GAB4: variants seen among roughly 807,000 people sequenced by gnomAD.
The protein encoded by GAB4 is GRB2 associated binding protein family member 4, also known as GRB2-associated-binding protein 4.
A neutral mutation model predicts 51.3 loss-of-function variants in GAB4; 26 were observed. The ratio of observed to expected loss-of-function variants is 0.51; its 90% CI spans 0.37 to 0.70. The LOEUF (loss-of-function observed/expected upper bound fraction) is 0.70, where lower values mean the gene tolerates loss of function less well. GAB4 is among the 30% of genes least tolerant of loss of function. GAB4 has a pLI of 0.00. For synonymous variants in GAB4, 329 were observed against 291.2 expected, an observed-to-expected ratio of 1.13 and a Z score of -1.32; for missense variants, 759 against 734.6, an observed-to-expected ratio of 1.03 and a Z score of -0.38.
At chr22:16,971,450 C>T (rs976366450) in intron 3 of GAB4, among the ~76,000 whole-genome samples, 2 of 152,180 alleles carry the variant, frequency 1.3e-5, no homozygotes, top group African/African-American at 4.8e-5. Flanking sequence ...TCTGTGTGGG[C>T]GCTCTAGGAA....
rs2061058234 is a variant in GAB4 at position 17,008,063 on chromosome 22, C to G, written c.52G>C (p.Ala18Pro). ...PSRELCPPDPAFAPLSSWPGS... is the reference protein window; with the variant it reads ...PSRELCPPDPPFAPLSSWPGS... ...GGCCACGAAGACAAAGGCGCAAATG[C>G]CGGGTCAGGTGGGCACAGCTCCCGG... is the stretch of plus-strand genomic sequence containing the variant. The change falls in exon 1 of 10, where the codon GCA becomes CCA. Residue 18 changes from alanine (A) to proline (P), a missense_variant. Transcript: ENST00000400588. The G allele has an allele frequency of 1.2e-6, 2 of 1,607,656 alleles. No homozygotes were observed. Among genetic ancestry groups the G allele is most frequent in the Non-Finnish European group, 1.7e-6 (2 of 1,177,282 alleles).
intron 3 of GAB4, among the ~76,000 whole-genome samples, chr22:16,978,435 A>C (rs1396308117): frequency 6.6e-6 from 1 of 152,230 alleles, no homozygotes; most frequent in Non-Finnish European, 1.5e-5. Context: ...AATCTAGAAG[A>C]AATGGGCAAA....
In GAB4 at chr22:17,008,082, C is replaced by G; in HGVS notation, c.33G>C (p.Glu11Asp). 1 of 1,607,674 alleles carries G rather than the reference C, an allele frequency of 6.2e-7. No homozygotes were observed. Among genetic ancestry groups the G allele is most frequent in the Non-Finnish European group, 8.5e-7 (1 of 1,177,160 alleles). Reference sequence around the variant, plus strand: ...CAAATGCCGGGTCAGGTGGGCACAGCTCCCGGGAGGGTGAGGGGGACGGCA... The same window carrying G: ...CAAATGCCGGGTCAGGTGGGCACAGGTCCCGGGAGGGTGAGGGGGACGGCA... MSLPSPSPSR[E>D]LCPPDPAFAP... The change falls in exon 1 of 10, where the codon GAG becomes GAC. Residue 11 changes from glutamate to aspartate, a missense_variant. By Grantham distance (45) the Glu-to-Asp change is conservative. Around this residue, in one of 3 missense-constraint regions of GAB4, gnomAD observed 83 missense variants for 73.1 expected, o/e 1.14. Transcript: ENST00000400588.
chr22:16,971,185 C>A (rs1489705666), intron 3 of GAB4, among the ~76,000 whole-genome samples: 1 of 152,164 alleles, frequency 6.6e-6, no homozygotes, highest in East Asian at 1.9e-4. Context: ...CAGAGCCAGA[C>A]CCTACCTCGG....
intron 3 of GAB4, among the ~76,000 whole-genome samples, chr22:16,986,497 C>A (rs1317087218): frequency 2.0e-5 from 3 of 152,214 alleles, no homozygotes; most frequent in African/African-American, 7.2e-5. Context: ...TGCCACCTTA[C>A]ACCCATCAGC....
At chr22:16,997,041 T>C (rs113204317) in intron 1 of GAB4, among the ~76,000 whole-genome samples, 3,365 of 152,126 alleles carry the variant, frequency 0.022, 59 homozygotes, top group Middle Eastern at 0.068. Context: ...TGTGCCACAT[T>C]TTCTTCATCC....
intron 3 of GAB4, among the ~76,000 whole-genome samples, chr22:16,985,792 A>T (rs1025502234): frequency 6.6e-6 from 1 of 152,242 alleles, no homozygotes; most frequent in Non-Finnish European, 1.5e-5. Flanking sequence ...CAAATGTGCC[A>T]TCTCACTACA....
chr22:16,968,215 T>C (rs1280571604), intron 5 of GAB4, 83 bp downstream of exon 5: 56 of 957,614 alleles, frequency 5.8e-5, no homozygotes, highest in East Asian at 3.9e-4. Context: ...TGTCACCCTT[T>C]GGGGGATGTG....
chr22:16,976,112 TCTC>T (rs1184737794), intron 3 of GAB4, among the ~76,000 whole-genome samples: 2 of 152,132 alleles, frequency 1.3e-5, no homozygotes, highest in Non-Finnish European at 2.9e-5. Flanking sequence ...GAACACCTCT[TCTC>T]CTCCAGAGGA....
At chr22:16,979,903 A>G (rs2060812771) in intron 3 of GAB4, among the ~76,000 whole-genome samples, 1 of 152,236 alleles carries the variant, frequency 6.6e-6, no homozygotes, top group African/African-American at 2.4e-5. Flanking sequence ...AAAACAAGCA[A>G]TGGGGAAAGG....
At chr22:17,000,564 C>CA (rs2060989509) in intron 1 of GAB4, among the ~76,000 whole-genome samples, 2 of 152,280 alleles carry the variant, frequency 1.3e-5, no homozygotes, top group Non-Finnish European at 2.9e-5. Flanking sequence ...CTGAAAACAG[C>CA]ACACTGATGG....
chr22:16,966,268 G>T lies in GAB4; in HGVS notation c.1120C>A (p.Gln374Lys), dbSNP rs763523269. The T allele has an allele frequency of 6.2e-7, 1 of 1,613,934 alleles. No individual in the cohort carries two copies. ...PGSPTLPAVK[Q>K]AGDDSQGVCI... is the part of the protein sequence containing the mutation. ...ACACCCTGGGAATCATCGCCTGCTT[G>T]CTTCACAGCCGGCAGGGTAGGGGAG... Residue 374 changes from glutamine to lysine, a missense_variant, in exon 6 of 10, where the codon CAA becomes AAA. Coordinates refer to ENST00000400588, the MANE Select transcript of GAB4 (RefSeq NM_001037814.1).
chr22:16,982,766 T>C (rs1160857706), intron 3 of GAB4, among the ~76,000 whole-genome samples: 2 of 151,894 alleles, frequency 1.3e-5, no homozygotes, highest in Non-Finnish European at 2.9e-5. Context: ...AAAAGCTGAG[T>C]GTTGGGAAAA....
intron 5 of GAB4, among the ~76,000 whole-genome samples, chr22:16,967,741 C>A (rs1336251226): frequency 6.6e-6 from 1 of 152,216 alleles, no homozygotes; most frequent in Non-Finnish European, 1.5e-5. Flanking sequence ...TTGTAAGAAG[C>A]CTGACGCCAG....
chr22:17,007,269 G>A (rs1397106768), intron 1 of GAB4, among the ~76,000 whole-genome samples: 1 of 152,222 alleles, frequency 6.6e-6, no homozygotes, highest in Non-Finnish European at 1.5e-5. Context: ...TTAGCCACTA[G>A]GGGAAAGGGC....
intron 3 of GAB4, among the ~76,000 whole-genome samples, chr22:16,986,708 G>T (rs2060871098): frequency 6.6e-6 from 1 of 152,202 alleles, no homozygotes; most frequent in South Asian, 2.1e-4. Flanking sequence ...TACTGGTGTG[G>T]TTCTGCCACT....
At chr22:17,005,234 G>C (rs2061030971) in intron 1 of GAB4, among the ~76,000 whole-genome samples, 1 of 152,112 alleles carries the variant, frequency 6.6e-6, no homozygotes, top group Non-Finnish European at 1.5e-5. Context: ...CAAATCATGA[G>C]TGAACTCCCA....
chr22:16,962,664 G>C lies in GAB4; in HGVS notation c.*69C>G. ...AAGGGATGCGGTCCCTGATATTACAGAGCTTTAGAGTGTGGCGGAGCAGCT... is the reference window on the plus strand; with the variant it reads ...AAGGGATGCGGTCCCTGATATTACACAGCTTTAGAGTGTGGCGGAGCAGCT... On this transcript the variant is annotated 3_prime_UTR_variant, in exon 10 of 10. Transcript: ENST00000400588. 1 of 1,412,706 alleles carries C rather than the reference G, an allele frequency of 7.1e-7. No homozygotes were observed. The highest frequency in any genetic ancestry group is 9.6e-7 in the Non-Finnish European group (1 of 1,036,570). 87.5% of individuals were successfully genotyped at this position (1,412,706 alleles called of 1,614,324 possible).
At chr22:16,974,167 C>T (rs1260776695) in intron 3 of GAB4, among the ~76,000 whole-genome samples, 3 of 152,230 alleles carry the variant, frequency 2.0e-5, no homozygotes, top group Admixed American at 6.5e-5. Context: ...CATGCACACC[C>T]ATGTGAGGCC....
Sources: gnomAD v4.1 joint callset for allele counts (sites outside exome capture counted in the v4.1 genomes callset) on GRCh38, gnomAD v4.1.1 for gene constraint, gnomAD v4.1.1 regional missense constraint, MANE v1.5 for transcripts, NCBI Gene and HGNC (gene_info 2026-07-23, HGNC 2026-07-21) for gene names.